The following ADCY1 variants were observed in gnomAD, a reference collection of about 807,000 sequenced individuals.
ADCY1 encodes the protein adenylate cyclase type 1.
ADCY1 carries 28 observed loss-of-function variants against 105.4 expected under a neutral mutation model. That is an observed-to-expected ratio of 0.27 (90% CI 0.20 to 0.36). The LOEUF is 0.36. ADCY1 is among the 10% of genes least tolerant of loss of function. The pLI, the probability that ADCY1 is intolerant of heterozygous loss-of-function variation, is 1.00. For missense variants in ADCY1, 977 were observed against 1,434.2 expected (o/e 0.68, Z 5.15); for synonymous variants, 655 against 623.8 (o/e 1.05, Z -0.75).
intron 4 of ADCY1, among the ~76,000 whole-genome samples, chr7:45,628,498 T>C (rs1194523816): frequency 6.6e-6 from 1 of 152,100 alleles, no homozygotes; most frequent in Non-Finnish European, 1.5e-5. Context: ...CCAGACTCTA[T>C]CAGGGGTGGA....
Position 45,714,269 on chromosome 7 carries a change from G to A in ADCY1, c.*274G>A. 1 of 489,302 alleles carries A rather than the reference G, an allele frequency of 2.0e-6. No individual in the cohort carries two copies. The highest frequency in any genetic ancestry group is 3.6e-6 in the Non-Finnish European group (1 of 274,722). 30.3% of individuals were successfully genotyped at this position (489,302 alleles called of 1,614,324 possible). On this transcript the variant is annotated 3_prime_UTR_variant, in exon 20 of 20. Coordinates refer to ENST00000297323, the MANE Select transcript of ADCY1 (RefSeq NM_021116.4). The stretch of plus-strand genomic sequence containing the variant: ...TGTCCACTCCATCCTTCCCTCCGTG[G>A]CGTAGGGAGCACTGTTTCTTTCCAG...
chr7:45,628,671 G>A (rs906799704), intron 4 of ADCY1, among the ~76,000 whole-genome samples: 2 of 152,156 alleles, frequency 1.3e-5, no homozygotes, highest in African/African-American at 4.8e-5. Flanking sequence ...AATACAAAGG[G>A]AATCTGTCAA....
At chr7:45,655,824 G>A (rs184724727) in intron 5 of ADCY1, among the ~76,000 whole-genome samples, 157 of 152,152 alleles carry the variant, frequency 1.0e-3, no homozygotes, top group South Asian at 7.5e-3. Flanking sequence ...TCATGGCTTC[G>A]GAGGCACAAA....
chr7:45,665,734 T>A (rs1584317644), intron 8 of ADCY1, among the ~76,000 whole-genome samples: 1 of 152,358 alleles, frequency 6.6e-6, no homozygotes. Flanking sequence ...TGACAGACTT[T>A]AGAAATCTTG....
chr7:45,611,878 T>G (rs1449907982), intron 3 of ADCY1, among the ~76,000 whole-genome samples: 2 of 152,188 alleles, frequency 1.3e-5, no homozygotes, highest in Non-Finnish European at 2.9e-5. Context: ...CAGGCCTCAC[T>G]GCCCATTTGG....
chr7:45,708,546 T>G lies in ADCY1; in HGVS notation c.2932+82T>G. ...CTAGGGGTGGGATCAGCTGATGAGG[T>G]ACCCTGGTCTTACAGGAAGGAGGGT... On this transcript the variant is annotated intron_variant, in intron 18 of 19. Transcript: ENST00000297323. This position sits in a 1 kb window ranked among gnomAD's most constrained non-coding sequence, Gnocchi z 4.7. The G allele has an allele frequency of 9.5e-7, 1 of 1,056,274 alleles. No individual in the cohort carries two copies. Among genetic ancestry groups the G allele is most frequent in the East Asian group, 2.4e-5 (1 of 41,142 alleles). 65.4% of individuals were successfully genotyped at this position (1,056,274 alleles called of 1,614,324 possible).
chr7:45,706,345 A>G (rs1785116403), intron 17 of ADCY1, among the ~76,000 whole-genome samples: 1 of 152,176 alleles, frequency 6.6e-6, no homozygotes, highest in Non-Finnish European at 1.5e-5. Context: ...AAGAATAGGC[A>G]AATAGATCAG....
chr7:45,696,500 A>C (rs1784885745), intron 14 of ADCY1, among the ~76,000 whole-genome samples: 1 of 151,424 alleles, frequency 6.6e-6, no homozygotes, highest in Non-Finnish European at 1.5e-5. Context: ...AGTCTGTTAC[A>C]TTTATAATCA....
chr7:45,694,374 T>C (rs1197002858), intron 14 of ADCY1, among the ~76,000 whole-genome samples: 1 of 151,468 alleles, frequency 6.6e-6, no homozygotes, highest in Non-Finnish European at 1.5e-5. Context: ...TTAGTAACTT[T>C]TGGTTCAAAG....
chr7:45,658,775 C>T (rs1795010895), intron 6 of ADCY1, among the ~76,000 whole-genome samples: 1 of 152,224 alleles, frequency 6.6e-6, no homozygotes, highest in Admixed American at 6.5e-5. Flanking sequence ...GCCTCGGTGA[C>T]CGTTGTAGTT....
intron 2 of ADCY1, among the ~76,000 whole-genome samples, chr7:45,599,930 C>CACATCTGTCTTTTTCCT (rs1432166264): frequency 5.3e-5 from 8 of 152,208 alleles, no homozygotes; most frequent in African/African-American, 1.9e-4. Flanking sequence ...GCGGCCTTGC[C>CACATCTGTCTTTTTCCT]ACATCTGTCT....
At chr7:45,623,508 G>A (rs1412273604) in intron 4 of ADCY1, among the ~76,000 whole-genome samples, 1 of 152,170 alleles carries the variant, frequency 6.6e-6, no homozygotes, top group Admixed American at 6.5e-5. Context: ...GGACATGTCG[G>A]GCTGGGATCT....
At chr7:45,602,687 T>G (rs551376203) in intron 2 of ADCY1, among the ~76,000 whole-genome samples, 1 of 152,358 alleles carries the variant, frequency 6.6e-6, no homozygotes, top group African/African-American at 2.4e-5. Flanking sequence ...TTATTTTTCA[T>G]TTTTAAATGG....
At position 45,686,284 on chromosome 7, in the gene ADCY1, C is replaced by T; in HGVS notation, c.2327+69C>T. On this transcript the variant is annotated intron_variant, in intron 13 of 19. Transcript: ENST00000297323. The surrounding 1 kb of genome is among the most constrained non-coding windows in gnomAD (Gnocchi z 4.3). ...TACTGAATCTGTGTATACAGATATGCACTACAGGCTTCTGAGTCCAGAACT... is the reference window on the plus strand; with the variant it reads ...TACTGAATCTGTGTATACAGATATGTACTACAGGCTTCTGAGTCCAGAACT... 1.9e-6 allele frequency: 3 copies of T among 1,545,644 alleles called. No homozygotes were observed. In the South Asian group the frequency reaches 3.7e-5, roughly 19 times the overall value.
intron 11 of ADCY1, among the ~76,000 whole-genome samples, chr7:45,681,231 G>C (rs1211729199): frequency 3.3e-5 from 5 of 152,206 alleles, no homozygotes; most frequent in African/African-American, 7.2e-5. Flanking sequence ...CCCCCCTTTT[G>C]TTAATAAGGG....
intron 4 of ADCY1, among the ~76,000 whole-genome samples, chr7:45,633,839 ATTAC>A (rs1276746925): frequency 6.6e-6 from 1 of 151,870 alleles, no homozygotes; most frequent in African/African-American, 2.4e-5. Context: ...AAAAACCGTA[ATTAC>A]TTAAATTACT....
intron 5 of ADCY1, among the ~76,000 whole-genome samples, chr7:45,654,264 G>A (rs36057382): frequency 0.17 from 25,881 of 152,164 alleles, 2,742 homozygotes; most frequent in African/African-American, 0.3. Flanking sequence ...TAGGCAAACC[G>A]TGAATCAGAT....
At chr7:45,713,373 C>T (rs1267398875) in intron 19 of ADCY1, among the ~76,000 whole-genome samples, 1 of 152,226 alleles carries the variant, frequency 6.6e-6, no homozygotes, top group Admixed American at 6.5e-5. Flanking sequence ...CTGGGCCACC[C>T]TTTCTGGCTC....
intron 6 of ADCY1, among the ~76,000 whole-genome samples, chr7:45,659,471 G>A (rs1025851366): frequency 6.6e-6 from 1 of 152,190 alleles, no homozygotes; most frequent in African/African-American, 2.4e-5. Flanking sequence ...CTGCTGAGAC[G>A]ATGCCAACTG....
Sources: gnomAD v4.1 joint callset for allele counts (sites outside exome capture counted in the v4.1 genomes callset) on GRCh38, gnomAD v4.1.1 for gene constraint, Gnocchi (gnomAD v3.1) non-coding constraint, MANE v1.5 for transcripts, NCBI Gene and HGNC (gene_info 2026-07-23, HGNC 2026-07-21) for gene names.